The following CUX2 variants were observed in gnomAD, a reference collection of about 807,000 sequenced individuals.
CUX2 encodes the protein cut like homeobox 2.
In CUX2, 40 loss-of-function variants were observed where a neutral mutation model predicts 144.8. The ratio of observed to expected loss-of-function variants is 0.28; its 90% CI spans 0.21 to 0.36. The LOEUF is 0.36. CUX2 is among the 10% of genes least tolerant of loss of function. CUX2 has a pLI of 1.00. For synonymous variants in CUX2, 827 were observed against 875.6 expected, an observed-to-expected ratio of 0.94 and a Z score of 0.98; for missense variants, 1,615 against 1,994.0, an observed-to-expected ratio of 0.81 and a Z score of 3.62.
chr12:111,309,928 T>C lies in CUX2; in HGVS notation c.1259-113T>C, dbSNP rs992656498. ...TGGTTTCTCTCTCTGTCTCTCTTTC[T>C]CGTTGTCTCTCTCTGTCTCTCTCCC... On this transcript the variant is annotated intron_variant, in intron 14 of 21. Coordinates refer to ENST00000261726, the MANE Select transcript of CUX2 (RefSeq NM_015267.4). 3.1e-6 allele frequency: 3 copies of C among 964,696 alleles called. No individual in the cohort carries two copies. In the African/African-American group the frequency reaches 5.1e-5, roughly 16 times the overall value. 59.8% of individuals were successfully genotyped at this position (964,696 alleles called of 1,614,324 possible). A position where few individuals can be genotyped will look rare whatever the true frequency, so the allele number is the denominator to read the frequency against.
intron 3 of CUX2, among the ~76,000 whole-genome samples, chr12:111,236,012 C>T (rs1404849566): frequency 6.6e-6 from 1 of 152,158 alleles, no homozygotes; most frequent in Non-Finnish European, 1.5e-5. Flanking sequence ...GGCCCCAGGT[C>T]TGCCTCTCGT....
chr12:111,343,648 C>G (rs981973295), intron 21 of CUX2, among the ~76,000 whole-genome samples: 3 of 152,202 alleles, frequency 2.0e-5, no homozygotes, highest in Admixed American at 6.5e-5. Context: ...CCAATCCCCC[C>G]ACAAGTCATT....
chr12:111,227,991 A>C (rs568216431), intron 3 of CUX2, among the ~76,000 whole-genome samples: 2 of 152,278 alleles, frequency 1.3e-5, no homozygotes, highest in South Asian at 4.1e-4. Context: ...CAATCACGTT[A>C]CGGTTGAGTT....
chr12:111,337,434 G>A (rs1196960853), intron 19 of CUX2, among the ~76,000 whole-genome samples: 2 of 151,822 alleles, frequency 1.3e-5, no homozygotes, highest in East Asian at 1.9e-4. Context: ...TCTATTACCC[G>A]CATTCTTTTT....
In CUX2 at chr12:111,307,067, C is replaced by T. The variant is rs1245183822; in HGVS notation, c.1005C>T (p.Ile335=). The stretch of plus-strand genomic sequence containing the variant: ...TGGAGGAGGCATCCGCCAACCAGAT[C>T]GCCGACCTGGAGCGGCAGCTCACGG... ...QELEEASANQ[I]ADLERQLTAK... Residue 335 remains isoleucine (I), a synonymous_variant, in exon 11 of 22, where the codon ATC becomes ATT. Transcript: ENST00000261726. The surrounding 1 kb of genome is among the most constrained non-coding windows in gnomAD (Gnocchi z 4.1). The T allele has an allele frequency of 8.1e-6, 13 of 1,613,226 alleles. No homozygotes were observed. The highest frequency in any genetic ancestry group is 6.7e-5 in the African/African-American group (5 of 74,914).
intron 8 of CUX2, 105 bp downstream of exon 8, chr12:111,296,644 A>T (rs1318805869): frequency 2.9e-6 from 3 of 1,035,370 alleles, no homozygotes; most frequent in Non-Finnish European, 4.4e-6. Flanking sequence ...ACCCTCCCAG[A>T]CACACCTCCT....
At chr12:111,082,266 C>A (rs1395221822) in intron 1 of CUX2, among the ~76,000 whole-genome samples, 1 of 151,486 alleles carries the variant, frequency 6.6e-6, no homozygotes, top group East Asian at 1.9e-4. Flanking sequence ...CAGAGATGAG[C>A]GGGAGAGAGA....
chr12:111,203,419 C>T (rs758866280), intron 1 of CUX2, among the ~76,000 whole-genome samples: 2 of 151,780 alleles, frequency 1.3e-5, no homozygotes, highest in Non-Finnish European at 2.9e-5. Flanking sequence ...GTGGAGCACG[C>T]CAGTAGTCCT....
At position 111,162,731 on chromosome 12, in the gene CUX2, CAG is replaced by C. The variant is rs371020395; in HGVS notation, c.64-51463_64-51462del. On this transcript the variant is annotated intron_variant, in intron 1 of 21. Coordinates refer to ENST00000261726, the MANE Select transcript of CUX2 (RefSeq NM_015267.4). ...TTCCAGAAGACCCTTGCTTGATTAG[CAG>C]AGAGACGAAGAGCATAGAATTTGGG... 3.3e-5 allele frequency among the ~76,000 whole-genome samples: 5 copies of C among 152,356 alleles called. 1 individual carries two copies. Among genetic ancestry groups the C allele is most frequent in the African/African-American group, 1.2e-4 (5 of 41,584 alleles).
intron 14 of CUX2, among the ~76,000 whole-genome samples, chr12:111,309,837 GTC>G (rs956722997): frequency 7.0e-6 from 1 of 143,642 alleles, no homozygotes; most frequent in African/African-American, 2.6e-5. Context: ...CTCTCTCATT[GTC>G]TCTTTCTTTC....
intron 1 of CUX2, among the ~76,000 whole-genome samples, chr12:111,143,195 C>G (rs1391383131): frequency 6.6e-6 from 1 of 152,156 alleles, no homozygotes; most frequent in African/African-American, 2.4e-5. Flanking sequence ...AACAGGGGGG[C>G]CACATGACTC....
chr12:111,172,276 A>C (rs935489834), intron 1 of CUX2, among the ~76,000 whole-genome samples: 2 of 152,250 alleles, frequency 1.3e-5, no homozygotes, highest in African/African-American at 4.8e-5. Flanking sequence ...GAACTAAATA[A>C]AAATAAACAT....
intron 1 of CUX2, among the ~76,000 whole-genome samples, chr12:111,091,805 T>A (rs1592885458): frequency 6.6e-6 from 1 of 152,168 alleles, no homozygotes; most frequent in East Asian, 1.9e-4. Context: ...CCCTGCCTGG[T>A]ATTCCCTGGC....
At chr12:111,280,607 G>A (rs957239346) in intron 4 of CUX2, among the ~76,000 whole-genome samples, 1 of 152,066 alleles carries the variant, frequency 6.6e-6, no homozygotes. Context: ...TCAAGATGTC[G>A]GCAGAGTTAG....
At chr12:111,343,184 G>A (rs547157180) in intron 21 of CUX2, among the ~76,000 whole-genome samples, 5 of 151,986 alleles carry the variant, frequency 3.3e-5, no homozygotes, top group African/African-American at 7.2e-5. Flanking sequence ...CCCTGAAACC[G>A]AAAGAAAAAC....
chr12:111,233,588 G>A (rs1002047434), intron 3 of CUX2, among the ~76,000 whole-genome samples: 2 of 152,184 alleles, frequency 1.3e-5, no homozygotes, highest in African/African-American at 4.8e-5. Flanking sequence ...TGAGGGAGAT[G>A]GGAGGGGGCG....
chr12:111,167,978 G>C (rs1468935196), intron 1 of CUX2, among the ~76,000 whole-genome samples: 1 of 152,190 alleles, frequency 6.6e-6, no homozygotes, highest in East Asian at 1.9e-4. Flanking sequence ...ACAGTTGTGA[G>C]CCACTGCGCT....
chr12:111,045,852 T>G (rs930529609), intron 1 of CUX2, among the ~76,000 whole-genome samples: 4 of 152,212 alleles, frequency 2.6e-5, no homozygotes, highest in Non-Finnish European at 5.9e-5. Context: ...TTTGATTTGA[T>G]GCAGAGCCCA....
At position 111,034,371 on chromosome 12, in the gene CUX2, G is replaced by A. The variant is rs1205089759; in HGVS notation, c.63+131G>A. 2 of 234,450 alleles carry A rather than the reference G, an allele frequency of 8.5e-6. No homozygotes were observed. Among genetic ancestry groups the A allele is most frequent in the Non-Finnish European group, 1.4e-5 (2 of 142,068 alleles). The allele number at this position is 234,450 out of a possible 1,614,324, so 14.5% of individuals were successfully genotyped here. A position where few individuals can be genotyped will look rare whatever the true frequency, so the allele number is the denominator to read the frequency against. On this transcript the variant is annotated intron_variant, in intron 1 of 21. Coordinates refer to ENST00000261726, the MANE Select transcript of CUX2 (RefSeq NM_015267.4). The surrounding 1 kb of genome is among the most constrained non-coding windows in gnomAD (Gnocchi z 4.2). ...GGCGGCGGCTGCCGGGGCTCGCCGG[G>A]GCTCGGCCGCCCGCTGCCCATCGAT...
Sources: gnomAD v4.1 joint callset for allele counts (sites outside exome capture counted in the v4.1 genomes callset) on GRCh38, gnomAD v4.1.1 for gene constraint, Gnocchi (gnomAD v3.1) non-coding constraint, MANE v1.5 for transcripts, NCBI Gene and HGNC (gene_info 2026-07-23, HGNC 2026-07-21) for gene names.